The following ZNF729 variants were observed in gnomAD, a reference collection of about 807,000 sequenced individuals.
ZNF729 encodes zinc finger protein 729.
In ZNF729, 15 loss-of-function variants were observed where a neutral mutation model predicts 12.2. The observed-to-expected ratio is 1.23, with a 90% confidence interval of 0.82 to 1.89. The LOEUF (loss-of-function observed/expected upper bound fraction) is 1.89. Among genes scored for constraint, ZNF729 ranks in the 40% most tolerant of loss-of-function variants. ZNF729 has a pLI of 0.00. For missense variants in ZNF729, 1,540 were observed against 1,456.7 expected (o/e 1.06, Z -0.93); for synonymous variants, 492 against 476.3 (o/e 1.03, Z -0.43).
At position 22,313,852 on chromosome 19, in the gene ZNF729, C is replaced by G. The variant is rs1173561034; in HGVS notation, c.435C>G (p.Cys145Trp). The G allele has an allele frequency of 1.9e-6, 3 of 1,571,414 alleles. No homozygotes were observed. Among genetic ancestry groups the G allele is most frequent in the Admixed American group, 1.9e-5 (1 of 52,314 alleles). ...HKEGYNKLNQ[C>W]RTATQRKIFQ... ...AAGGTTATAATAAACTTAACCAATGCAGGACAGCTACCCAGAGAAAAATAT... is the reference window on the plus strand; with the variant it reads ...AAGGTTATAATAAACTTAACCAATGGAGGACAGCTACCCAGAGAAAAATAT... The change falls in exon 4 of 4, where the codon TGC (cysteine) becomes TGG (tryptophan). Residue 145 changes from cysteine to tryptophan, a missense_variant. Physicochemically the swap from Cys to Trp is radical, Grantham distance 215. Coordinates refer to ENST00000601693, the MANE Select transcript of ZNF729 (RefSeq NM_001242680.2).
chr19:22,313,830 G>T lies in ZNF729; in HGVS notation c.413G>T (p.Gly138Val), dbSNP rs1968481865. The change falls in exon 4 of 4, where the codon GGT becomes GTT. Residue 138 changes from glycine to valine, a missense_variant. Gly to Val is a moderately radical substitution (Grantham distance 109). Transcript: ENST00000601693. Reference protein sequence around the residue: ...SANEGKMHKEGYNKLNQCRTA... With the variant: ...SANEGKMHKEVYNKLNQCRTA... ...AATGAGGGTAAGATGCACAAAGAAG[G>T]TTATAATAAACTTAACCAATGCAGG... 2.5e-6 allele frequency: 4 copies of T among 1,584,252 alleles called. No individual in the cohort carries two copies. The highest frequency in any genetic ancestry group is 1.3e-5 in the African/African-American group (1 of 74,446).
At position 22,314,837 on chromosome 19, in the gene ZNF729, C is replaced by T; in HGVS notation, c.1420C>T (p.His474Tyr). Residue 474 changes from histidine to tyrosine, a missense_variant, in exon 4 of 4, where the codon CAC becomes TAC. By Grantham distance (83) the His-to-Tyr change is moderately conservative. Transcript: ENST00000601693. ...ECGKAFRQSS[H>Y]LTRHKAIHTG... ...TGGCAAAGCTTTTAGGCAATCCTCA[C>T]ACCTTACTAGACATAAAGCAATTCA... 6.3e-6 allele frequency: 10 copies of T among 1,594,792 alleles called. No individual in the cohort carries two copies. Among genetic ancestry groups the T allele is most frequent in the East Asian group, 4.6e-5 (2 of 43,936 alleles).
Position 22,315,072 on chromosome 19 carries a change from C to G in ZNF729, c.1655C>G (p.Ala552Gly), listed in dbSNP as rs751002381. 8.7e-6 allele frequency: 14 copies of G among 1,611,078 alleles called. No homozygotes were observed. Among genetic ancestry groups the G allele is most frequent in the Non-Finnish European group, 1.1e-5 (13 of 1,179,664 alleles). Residue 552 changes from alanine to glycine, a missense_variant, in exon 4 of 4, where the codon GCT (alanine) becomes GGT (glycine). Physicochemically the swap from Ala to Gly is moderately conservative, Grantham distance 60. Transcript: ENST00000601693. ...TACAAATGTGAAGAATGTGGTAAAGCTTTTAAGTGGTCATCAAAACTTACT... is the reference window on the plus strand; with the variant it reads ...TACAAATGTGAAGAATGTGGTAAAGGTTTTAAGTGGTCATCAAAACTTACT... ...KPYKCEECGKAFKWSSKLTVH... is the reference protein window; with the variant it reads ...KPYKCEECGKGFKWSSKLTVH...
At chr19:22,312,179 T>A (rs908934551) in intron 3 of ZNF729, among the ~76,000 whole-genome samples, 2 of 152,156 alleles carry the variant, frequency 1.3e-5, no homozygotes, top group African/African-American at 4.8e-5. Flanking sequence ...ATTTAATTTA[T>A]TTGAAATTTT....
intron 1 of ZNF729, among the ~76,000 whole-genome samples, chr19:22,296,511 ATTC>A (rs1221457347): frequency 6.6e-6 from 1 of 151,882 alleles, no homozygotes; most frequent in African/African-American, 2.4e-5. Flanking sequence ...TCTTCTCTTT[ATTC>A]TTCATTAATC....
chr19:22,297,901 A>G lies in ZNF729; in HGVS notation c.31-5857A>G, dbSNP rs890637771. Among the ~76,000 whole-genome samples, 3 of 148,010 alleles carry G rather than the reference A, an allele frequency of 2.0e-5. No homozygotes were observed. The Admixed American group carries it at 2.1e-4, about 10-fold the overall frequency. Reference sequence around the variant, plus strand: ...ATGCCTGTAATCTCAGCTACTCGGGAGGCTGAGGCCAGAGAATTGCTTGAA... The same window carrying G: ...ATGCCTGTAATCTCAGCTACTCGGGGGGCTGAGGCCAGAGAATTGCTTGAA... On this transcript the variant is annotated intron_variant, in intron 1 of 3. Transcript: ENST00000601693.
chr19:22,303,664 C>G (rs1409675547), intron 1 of ZNF729, 94 bp from the exon 2 acceptor site: 4 of 1,227,292 alleles, frequency 3.3e-6, no homozygotes, highest in Non-Finnish European at 4.4e-6. Flanking sequence ...AGAATCTGTT[C>G]TCTTTATTCT....
chr19:22,298,823 C>T (rs1243973692), intron 1 of ZNF729, among the ~76,000 whole-genome samples: 4 of 152,052 alleles, frequency 2.6e-5, no homozygotes, highest in African/African-American at 9.7e-5. Context: ...CTATTTATAG[C>T]GTCTTTCATT....
intron 3 of ZNF729, among the ~76,000 whole-genome samples, chr19:22,309,318 G>A (rs1968422368): frequency 6.6e-6 from 1 of 152,098 alleles, no homozygotes; most frequent in East Asian, 1.9e-4. Flanking sequence ...AGTGGTGGGT[G>A]CCTGTAATCC....
rs1968554263 is a variant in ZNF729, at chr19:22,316,881, CT to C, written c.3465del (p.Val1156Ter). The part of the protein sequence containing the change: ...SILTKHKIIH[S>X]VEKPYKCEEC... ...CTTACTAAACATAAGATAATTCATTCTGTAGAGAAACCCTACAAATGTGAAG... is the reference window on the plus strand; with the variant it reads ...CTTACTAAACATAAGATAATTCATTCGTAGAGAAACCCTACAAATGTGAAG... On this transcript the variant is annotated frameshift_variant, in exon 4 of 4. Transcript: ENST00000601693. LOFTEE classifies it low-confidence loss of function (END_TRUNC). 1 of 1,612,794 alleles carries C rather than the reference CT, an allele frequency of 6.2e-7. No individual in the cohort carries two copies. The highest frequency in any genetic ancestry group is 1.1e-5 in the South Asian group (1 of 91,082).
At position 22,306,746 on chromosome 19, in the gene ZNF729, ATTAT is replaced by A. The variant is rs202108981; in HGVS notation, c.253+1966_253+1969del. 3.0e-3 allele frequency among the ~76,000 whole-genome samples: 452 copies of A among 151,478 alleles called. 3 individuals are homozygous for A. The highest frequency in any genetic ancestry group is 0.011 in the African/African-American group (440 of 41,496). On this transcript the variant is annotated intron_variant, in intron 3 of 3. Coordinates refer to ENST00000601693, the MANE Select transcript of ZNF729 (RefSeq NM_001242680.2). ...TTCCAGTTTGTTATTAATATTATAA[ATTAT>A]TTCATATTGTGTATTCAGATTTATG...
rs116197720 is a variant in ZNF729, at chr19:22,309,830, C to T, written c.254-3841C>T. Reference sequence around the variant, plus strand: ...TCATTTTCACAATATTGATTCTACTCATCGATGAGCATGGGCTGTGTTTCC... The same window carrying T: ...TCATTTTCACAATATTGATTCTACTTATCGATGAGCATGGGCTGTGTTTCC... On this transcript the variant is annotated intron_variant, in intron 3 of 3. Coordinates refer to ENST00000601693, the MANE Select transcript of ZNF729 (RefSeq NM_001242680.2). Among the ~76,000 whole-genome samples the T allele has an allele frequency of 1.9e-3, 295 of 152,168 alleles. 1 individual carries two copies. Among genetic ancestry groups the T allele is most frequent in the African/African-American group, 6.8e-3 (283 of 41,534 alleles).
chr19:22,293,012 C>A (rs753243929), intron 1 of ZNF729, among the ~76,000 whole-genome samples: 1 of 152,156 alleles, frequency 6.6e-6, no homozygotes, highest in Non-Finnish European at 1.5e-5. Context: ...TTCTCTGAAA[C>A]CTTGCCAGCA....
chr19:22,298,582 C>T (rs1386149115), intron 1 of ZNF729, among the ~76,000 whole-genome samples: 17 of 152,270 alleles, frequency 1.1e-4, no homozygotes, highest in South Asian at 2.1e-4. Flanking sequence ...GGCATGGTCT[C>T]GGCTCACTAC....
intron 1 of ZNF729, among the ~76,000 whole-genome samples, chr19:22,302,696 C>T (rs1445621798): frequency 6.6e-6 from 1 of 152,312 alleles, no homozygotes; most frequent in Non-Finnish European, 1.5e-5. Flanking sequence ...ACATAGGGTC[C>T]ACTCCCTGGC....
At chr19:22,295,452 ATCT>A (rs1222679552) in intron 1 of ZNF729, among the ~76,000 whole-genome samples, 1 of 149,738 alleles carries the variant, frequency 6.7e-6, no homozygotes, top group African/African-American at 2.5e-5. Flanking sequence ...CAGTGGTGCA[ATCT>A]TCTCCGCTCA....
chr19:22,313,627 T>A, intron 3 of ZNF729, 44 bp from the exon 4 acceptor site: 1 of 1,414,688 alleles, frequency 7.1e-7, no homozygotes, highest in Non-Finnish European at 9.2e-7. Context: ...TATATTCATC[T>A]GAGTCTAGCA....
In ZNF729 at chr19:22,316,267, C is replaced by T. The variant is rs769050762; in HGVS notation, c.2850C>T (p.Thr950=). Residue 950 remains threonine (T), a synonymous_variant, in exon 4 of 4, where the codon ACC becomes ACT. Coordinates refer to ENST00000601693, the MANE Select transcript of ZNF729 (RefSeq NM_001242680.2). ...ECGKAFNDSS[T]LMKHKIIHTG... is the part of the protein sequence containing the mutation. ...GCAAAGCTTTTAATGATTCCTCAAC[C>T]CTTATGAAGCATAAGATAATTCATA... The T allele has an allele frequency of 8.1e-6, 13 of 1,613,088 alleles. No homozygotes were observed. The highest frequency in any genetic ancestry group is 4.0e-5 in the African/African-American group (3 of 74,734).
chr19:22,291,116 A>G (rs1389886502), intron 1 of ZNF729, among the ~76,000 whole-genome samples: 2 of 152,086 alleles, frequency 1.3e-5, no homozygotes, highest in African/African-American at 4.8e-5. Flanking sequence ...ATGTTAGGCA[A>G]TGAGTTGGTG....
Sources: gnomAD v4.1 joint callset for allele counts (sites outside exome capture counted in the v4.1 genomes callset) on GRCh38, gnomAD v4.1.1 for gene constraint, MANE v1.5 for transcripts, NCBI Gene and HGNC (gene_info 2026-07-23, HGNC 2026-07-21) for gene names.